The following FOXP2 variants were observed in gnomAD, a reference collection of about 807,000 sequenced individuals.
The protein encoded by FOXP2 is forkhead box P2, also known as forkhead box protein P2.
In FOXP2, 12 loss-of-function variants were observed where a neutral mutation model predicts 115.8. That is an observed-to-expected ratio of 0.10 (90% CI 0.07 to 0.17). The LOEUF (loss-of-function observed/expected upper bound fraction) is 0.17, where lower values mean the gene tolerates loss of function less well. FOXP2 is among the 10% of genes least tolerant of loss of function. The probability of loss-of-function intolerance (pLI) is 1.00; values close to 1 mark genes in which losing one functional copy is unlikely to be tolerated. For missense variants in FOXP2, 629 were observed against 843.5 expected (o/e 0.75, Z 3.15); for synonymous variants, 328 against 297.7 (o/e 1.10, Z -1.05).
intron 1 of FOXP2, among the ~76,000 whole-genome samples, chr7:114,268,227 G>A (rs957376050): frequency 2.0e-5 from 3 of 152,126 alleles, no homozygotes; most frequent in Non-Finnish European, 4.4e-5. Flanking sequence ...CTGTGGACAT[G>A]AACATGTAAA....
chr7:114,225,375 G>A (rs1794721194), intron 1 of FOXP2, among the ~76,000 whole-genome samples: 1 of 147,804 alleles, frequency 6.8e-6, no homozygotes, highest in Non-Finnish European at 1.5e-5. Flanking sequence ...ATCTTACTTT[G>A]GCTCTCAACT....
chr7:114,247,223 C>A (rs1343053119), intron 1 of FOXP2, among the ~76,000 whole-genome samples: 1 of 152,134 alleles, frequency 6.6e-6, no homozygotes. Context: ...ATTATACGTT[C>A]TTTATCTATG....
chr7:114,308,765 G>T (rs1382358987), intron 2 of FOXP2, among the ~76,000 whole-genome samples: 3 of 152,124 alleles, frequency 2.0e-5, no homozygotes, highest in Non-Finnish European at 1.5e-5. Flanking sequence ...ATCTGTAGGT[G>T]GTCCGTAAAG....
At chr7:114,235,038 A>G (rs1029044167) in intron 1 of FOXP2, among the ~76,000 whole-genome samples, 3 of 152,138 alleles carry the variant, frequency 2.0e-5, no homozygotes, top group African/African-American at 4.8e-5. Context: ...CTACCTCAGA[A>G]TACTGTATAT....
In FOXP2 at chr7:114,602,855, G is replaced by C. The variant is rs992074533; in HGVS notation, c.259-25685G>C. Among the ~76,000 whole-genome samples the C allele has an allele frequency of 1.3e-4, 19 of 151,914 alleles. 1 individual carries two copies. Among genetic ancestry groups the C allele is most frequent in the Non-Finnish European group, 1.5e-5 (1 of 67,996 alleles). Reference sequence around the variant, plus strand: ...AATCTAGGAATTGGTCTAAAATATGGGTCAGTAAAATACTAATATTCTTTA... The same window carrying C: ...AATCTAGGAATTGGTCTAAAATATGCGTCAGTAAAATACTAATATTCTTTA... On this transcript the variant is annotated intron_variant, in intron 3 of 16. Transcript: ENST00000350908.
intron 3 of FOXP2, among the ~76,000 whole-genome samples, chr7:114,580,766 G>C (rs1801811294): frequency 6.6e-6 from 1 of 152,114 alleles, no homozygotes; most frequent in African/African-American, 2.4e-5. Context: ...AAAATAGCAA[G>C]TTTGACCATA....
chr7:114,516,516 A>T (rs1208824875), intron 2 of FOXP2, among the ~76,000 whole-genome samples: 1 of 152,142 alleles, frequency 6.6e-6, no homozygotes, highest in East Asian at 1.9e-4. Context: ...TTCCATTTGA[A>T]TATACACCTA....
At chr7:114,202,382 A>C (rs982821391) in intron 1 of FOXP2, among the ~76,000 whole-genome samples, 1 of 152,212 alleles carries the variant, frequency 6.6e-6, no homozygotes, top group Non-Finnish European at 1.5e-5. Flanking sequence ...AAAAAATGCC[A>C]TGAATGATTT....
At chr7:114,185,107 C>T (rs1401865317) in intron 1 of FOXP2, among the ~76,000 whole-genome samples, 2 of 152,184 alleles carry the variant, frequency 1.3e-5, no homozygotes, top group South Asian at 2.1e-4. Flanking sequence ...TTCCCTACAA[C>T]GTATAGTGCT....
At chr7:114,560,181 G>C (rs1469494929) in intron 3 of FOXP2, among the ~76,000 whole-genome samples, 1 of 152,136 alleles carries the variant, frequency 6.6e-6, no homozygotes, top group African/African-American at 2.4e-5. Context: ...TTAATAAACT[G>C]TGCTGTGTTG....
intron 2 of FOXP2, among the ~76,000 whole-genome samples, chr7:114,399,920 G>T (rs535975427): frequency 1.5e-5 from 2 of 131,046 alleles, no homozygotes; most frequent in Admixed American, 7.3e-5. Flanking sequence ...GCAGTGGCGC[G>T]ATCTTGGCTC....
chr7:114,360,445 A>C lies in FOXP2; in HGVS notation c.-10-66057A>C, dbSNP rs893473803. Among the ~76,000 whole-genome samples the C allele has an allele frequency of 7.2e-5, 11 of 152,230 alleles. No individual in the cohort carries two copies. In the South Asian group the frequency reaches 8.3e-4, roughly 11 times the overall value. ...AAGTGTTTTGCCTTGATTTCTCCTG[A>C]TAACCATCTTTTGACTGTGAGGAAA... On this transcript the variant is annotated intron_variant, in intron 2 of 17. Transcript: ENST00000634411.
intron 2 of FOXP2, among the ~76,000 whole-genome samples, chr7:114,460,015 A>G (rs1437159668): frequency 6.6e-6 from 1 of 152,164 alleles, no homozygotes; most frequent in East Asian, 1.9e-4. Context: ...ATGCCCTAGT[A>G]TATCTAATTC....
chr7:114,567,775 G>T (rs1466482034), intron 3 of FOXP2, among the ~76,000 whole-genome samples: 1 of 152,108 alleles, frequency 6.6e-6, no homozygotes, highest in African/African-American at 2.4e-5. Context: ...AAGCATGGTT[G>T]ATCAGAGTTT....
intron 1 of FOXP2, among the ~76,000 whole-genome samples, chr7:114,234,343 T>TA (rs1794957599): frequency 6.6e-6 from 1 of 152,182 alleles, no homozygotes; most frequent in African/African-American, 2.4e-5. Flanking sequence ...CAATGCAGGT[T>TA]AAAATGAGTG....
At chr7:114,258,781 T>G (rs1196709288) in intron 1 of FOXP2, among the ~76,000 whole-genome samples, 1 of 152,184 alleles carries the variant, frequency 6.6e-6, no homozygotes, top group African/African-American at 2.4e-5. Flanking sequence ...CATTAAGTAG[T>G]AGACAAGATG....
At chr7:114,193,017 G>T (rs1793804108) in intron 1 of FOXP2, among the ~76,000 whole-genome samples, 1 of 151,972 alleles carries the variant, frequency 6.6e-6, no homozygotes, top group Admixed American at 6.6e-5. Flanking sequence ...CAGTCTCTAT[G>T]CCTTAGACCA....
intron 3 of FOXP2, among the ~76,000 whole-genome samples, chr7:114,572,554 A>C (rs900596395): frequency 6.6e-5 from 10 of 151,860 alleles, no homozygotes; most frequent in African/African-American, 2.2e-4. Flanking sequence ...TATATTCTTT[A>C]ACTTAATAAA....
At chr7:114,193,809 A>C (rs373109145) in intron 1 of FOXP2, among the ~76,000 whole-genome samples, 8 of 152,164 alleles carry the variant, frequency 5.3e-5, no homozygotes, top group African/African-American at 1.9e-4. Flanking sequence ...TCACCACAAA[A>C]TAAGTTAATG....
Sources: allele counts gnomAD v4.1 joint callset (sites outside exome capture counted in the v4.1 genomes callset), GRCh38; gene constraint gnomAD v4.1.1; transcripts MANE v1.5; gene names NCBI Gene and HGNC (gene_info 2026-07-23, HGNC 2026-07-21).